PTPN14: variants seen among roughly 807,000 people sequenced by gnomAD.
PTPN14 encodes the protein protein tyrosine phosphatase non-receptor type 14.
In PTPN14, 53 loss-of-function variants were observed where a neutral mutation model predicts 126.8. That is an observed-to-expected ratio of 0.42 (90% CI 0.34 to 0.53). PTPN14 has a LOEUF of 0.53. Among genes scored for constraint, PTPN14 ranks in the 20% least tolerant of loss-of-function variants. The probability of loss-of-function intolerance (pLI) is 0.08; values close to 1 mark genes in which losing one functional copy is unlikely to be tolerated. For missense variants in PTPN14, 1,257 were observed against 1,552.9 expected (o/e 0.81, Z 3.20); for synonymous variants, 630 against 599.3 (o/e 1.05, Z -0.75).
chr1:214,490,696 G>A (rs184002850), intron 1 of PTPN14, among the ~76,000 whole-genome samples: 1 of 151,034 alleles, frequency 6.6e-6, no homozygotes, highest in Non-Finnish European at 1.5e-5. Flanking sequence ...AGTTAGCCAG[G>A]CGTGGTGGTG....
intron 15 of PTPN14, among the ~76,000 whole-genome samples, chr1:214,373,739 G>C (rs1658276361): frequency 6.6e-6 from 1 of 151,868 alleles, no homozygotes; most frequent in Non-Finnish European, 1.5e-5. Flanking sequence ...ATCCCTTTTG[G>C]AGCACTATCT....
intron 3 of PTPN14, among the ~76,000 whole-genome samples, chr1:214,421,789 G>A (rs149356595): frequency 3.3e-5 from 5 of 151,990 alleles, no homozygotes; most frequent in African/African-American, 4.8e-5. Flanking sequence ...CTGCCTCCTC[G>A]CCATTTCCTT....
intron 3 of PTPN14, among the ~76,000 whole-genome samples, chr1:214,419,420 C>T (rs942638237): frequency 6.6e-6 from 1 of 152,118 alleles, no homozygotes; most frequent in Admixed American, 6.6e-5. Flanking sequence ...CTTTTTGAAG[C>T]CTTTCCATAA....
chr1:214,425,726 G>A (rs987157034), intron 3 of PTPN14, among the ~76,000 whole-genome samples: 1 of 152,096 alleles, frequency 6.6e-6, no homozygotes, highest in African/African-American at 2.4e-5. Context: ...TCCACAATTG[G>A]AATTTTTATC....
chr1:214,354,373 C>A lies in PTPN14; in HGVS notation c.*3549G>T, dbSNP rs997100310. 6.6e-6 allele frequency: 1 copy of A among 152,194 alleles called. No homozygotes were observed. The highest frequency in any genetic ancestry group is 1.5e-5 in the Non-Finnish European group (1 of 68,040). 9.4% of individuals were successfully genotyped at this position (152,194 alleles called of 1,614,324 possible). A position where few individuals can be genotyped will look rare whatever the true frequency, so the allele number is the denominator to read the frequency against. ...GAATATTGCAGCTCATTCATCTTTA[C>A]TCCTATGTAATCAATGTTTAACATC... is the stretch of plus-strand genomic sequence containing the variant. On this transcript the variant is annotated 3_prime_UTR_variant, in exon 19 of 19. Transcript: ENST00000366956.
In PTPN14 at chr1:214,364,330, G is replaced by A. The variant is rs1320526473; in HGVS notation, c.3435+182C>T. Among the ~76,000 whole-genome samples, 1 of 152,056 alleles carries A rather than the reference G, an allele frequency of 6.6e-6. No homozygotes were observed. Among genetic ancestry groups the A allele is most frequent in the Non-Finnish European group, 1.5e-5 (1 of 68,002 alleles). ...TGGGTATCTACACGGAGCAGTGGGA[G>A]GGCAAAAAGATAAGGAGGGCTGTAA... On this transcript the variant is annotated intron_variant, in intron 18 of 18. Coordinates refer to ENST00000366956, the MANE Select transcript of PTPN14 (RefSeq NM_005401.5). The surrounding 1 kb of genome is among the most constrained non-coding windows in gnomAD (Gnocchi z 4.1).
chr1:214,453,386 T>TC (rs1365409454), intron 2 of PTPN14, among the ~76,000 whole-genome samples: 3 of 152,318 alleles, frequency 2.0e-5, no homozygotes, highest in African/African-American at 7.2e-5. Context: ...TGGAGGTCAG[T>TC]CCATCTCCCA....
At chr1:214,378,708 C>G (rs1408874552) in intron 13 of PTPN14, among the ~76,000 whole-genome samples, 2 of 151,994 alleles carry the variant, frequency 1.3e-5, no homozygotes, top group Non-Finnish European at 2.9e-5. Context: ...TGTGGTTTAG[C>G]AAACTCACTA....
chr1:214,541,517 T>G (rs976991653), intron 1 of PTPN14, among the ~76,000 whole-genome samples: 1 of 152,094 alleles, frequency 6.6e-6, no homozygotes, highest in Non-Finnish European at 1.5e-5. Flanking sequence ...TTGTCCAAAT[T>G]TAGTGAAATG....
chr1:214,395,131 G>T, intron 8 of PTPN14, 145 bp from the exon 9 acceptor site: 1 of 724,212 alleles, frequency 1.4e-6, no homozygotes, highest in Non-Finnish European at 2.3e-6. Flanking sequence ...TTTCAAACGA[G>T]AAAAGAAAAT....
At position 214,364,675 on chromosome 1, in the gene PTPN14, G is replaced by A; in HGVS notation, c.3272C>T (p.Ser1091Phe). 1 of 1,609,052 alleles carries A rather than the reference G, an allele frequency of 6.2e-7. No homozygotes were observed. The highest frequency in any genetic ancestry group is 1.1e-5 in the South Asian group (1 of 90,312). The change falls in exon 18 of 19, where the codon TCC (serine) becomes TTC (phenylalanine). Residue 1091 changes from serine to phenylalanine, a missense_variant and splice_region_variant. Transcript: ENST00000366956. This position sits in a 1 kb window ranked among gnomAD's most constrained non-coding sequence, Gnocchi z 4.1. ...GCPEDVQGFL[S>F]YLEEIQSVRR... The stretch of plus-strand genomic sequence containing the variant: ...GACCGACTGGATCTCCTCCAAGTAG[G>A]CTGCAGGACAAAATGCAAATTCTGT...
chr1:214,370,051 C>A (rs1206105010), intron 16 of PTPN14, among the ~76,000 whole-genome samples: 3 of 152,146 alleles, frequency 2.0e-5, no homozygotes, highest in African/African-American at 7.2e-5. Flanking sequence ...GAGGCCAAGG[C>A]GCGTGGATCA....
At chr1:214,412,468 T>G (rs1281015312) in intron 4 of PTPN14, among the ~76,000 whole-genome samples, 2 of 152,126 alleles carry the variant, frequency 1.3e-5, no homozygotes, top group East Asian at 3.9e-4. Flanking sequence ...CATGCACCAA[T>G]GTTGAGAAGT....
At chr1:214,480,024 A>T (rs887781731) in intron 1 of PTPN14, among the ~76,000 whole-genome samples, 7 of 152,194 alleles carry the variant, frequency 4.6e-5, no homozygotes, top group African/African-American at 1.7e-4. Flanking sequence ...AACAATTTTA[A>T]ACTGTTGCAT....
At chr1:214,423,845 G>A (rs1659598415) in intron 3 of PTPN14, among the ~76,000 whole-genome samples, 1 of 152,092 alleles carries the variant, frequency 6.6e-6, no homozygotes, top group Non-Finnish European at 1.5e-5. Flanking sequence ...GCCAGGCATG[G>A]TGGCTCACGC....
intron 1 of PTPN14, among the ~76,000 whole-genome samples, chr1:214,519,714 A>G (rs1655194802): frequency 6.6e-6 from 1 of 152,116 alleles, no homozygotes; most frequent in Admixed American, 6.6e-5. Context: ...ATATTCACAA[A>G]GAGTTTTAAC....
chr1:214,441,857 G>A (rs6540830), intron 3 of PTPN14, among the ~76,000 whole-genome samples: 126,878 of 152,276 alleles, frequency 0.83, 53,164 homozygotes, highest in African/African-American at 0.94. Flanking sequence ...TTAACATTTT[G>A]ACTCATGCTC....
intron 3 of PTPN14, among the ~76,000 whole-genome samples, chr1:214,417,571 C>A (rs992161554): frequency 6.6e-6 from 1 of 152,126 alleles, no homozygotes; most frequent in African/African-American, 2.4e-5. Context: ...AAAATTATAG[C>A]CCATAACAAT....
At chr1:214,395,588 AACACACACACACACACAC>A (rs57357032) in intron 8 of PTPN14, among the ~76,000 whole-genome samples, 20 of 132,542 alleles carry the variant, frequency 1.5e-4, no homozygotes, top group African/African-American at 3.7e-4. Flanking sequence ...GGGACCCAAC[AACACACACACACACACAC>A]ACACACACAC....
Sources: gnomAD v4.1 joint callset for allele counts (sites outside exome capture counted in the v4.1 genomes callset) on GRCh38, gnomAD v4.1.1 for gene constraint, Gnocchi (gnomAD v3.1) non-coding constraint, MANE v1.5 for transcripts, NCBI Gene and HGNC (gene_info 2026-07-23, HGNC 2026-07-21) for gene names.